Variants in DNAI7 observed in about 807,000 individuals in gnomAD.
DNAI7 encodes the protein dynein axonemal intermediate chain 7.
A neutral mutation model predicts 86.6 loss-of-function variants in DNAI7; 78 were observed. The ratio of observed to expected loss-of-function variants is 0.90; its 90% CI spans 0.75 to 1.09. The LOEUF is 1.09. DNAI7 is among the 50% of genes least tolerant of loss of function. The pLI is 0.00. For missense variants in DNAI7, 753 were observed against 810.2 expected (o/e 0.93, Z 0.86); for synonymous variants, 274 against 273.0 (o/e 1.00, Z -0.04).
chr12:25,167,128 C>T (rs917714762), intron 2 of DNAI7, among the ~76,000 whole-genome samples: 1 of 152,172 alleles, frequency 6.6e-6, no homozygotes, highest in African/African-American at 2.4e-5. Flanking sequence ...CTATTGATGG[C>T]AGTTTCACCA....
chr12:25,135,880 T>C (rs73069105), intron 9 of DNAI7, among the ~76,000 whole-genome samples: 17,543 of 151,398 alleles, frequency 0.12, 1,356 homozygotes, highest in Admixed American at 0.16. Context: ...AGCCCAGACA[T>C]GCCTATACCT....
chr12:25,152,581 C>G (rs1168229561), intron 6 of DNAI7, among the ~76,000 whole-genome samples: 1 of 152,116 alleles, frequency 6.6e-6, no homozygotes, highest in Non-Finnish European at 1.5e-5. Flanking sequence ...TATAATAAAC[C>G]AGTAAAGGCG....
intron 2 of DNAI7, among the ~76,000 whole-genome samples, chr12:25,172,256 A>C (rs1306430672): frequency 1.3e-5 from 2 of 152,194 alleles, no homozygotes; most frequent in Non-Finnish European, 2.9e-5. Flanking sequence ...TAGCAGTTTC[A>C]GGATACAAGA....
At chr12:25,176,724 T>C (rs1021845429) in intron 2 of DNAI7, among the ~76,000 whole-genome samples, 1 of 151,918 alleles carries the variant, frequency 6.6e-6, no homozygotes, top group African/African-American at 2.4e-5. Context: ...ACAGATAATC[T>C]CTGACTTTTG....
At chr12:25,178,161 G>T (rs1476443046) in intron 2 of DNAI7, among the ~76,000 whole-genome samples, 1 of 152,196 alleles carries the variant, frequency 6.6e-6, no homozygotes, top group East Asian at 1.9e-4. Context: ...TGCTCTAGAA[G>T]AATCTGTATT....
chr12:25,164,073 G>A (rs1388974060), intron 2 of DNAI7, among the ~76,000 whole-genome samples: 1 of 152,166 alleles, frequency 6.6e-6, no homozygotes, highest in Non-Finnish European at 1.5e-5. Flanking sequence ...TTCACCCTTA[G>A]CGGCAAGTAC....
At chr12:25,132,927 G>A (rs1943099663) in intron 9 of DNAI7, among the ~76,000 whole-genome samples, 1 of 140,570 alleles carries the variant, frequency 7.1e-6, no homozygotes, top group African/African-American at 3.2e-5. Flanking sequence ...ATTTTTCTTA[G>A]TCTGTTATTT....
At chr12:25,125,475 C>T (rs572754700) in intron 9 of DNAI7, among the ~76,000 whole-genome samples, 1 of 151,918 alleles carries the variant, frequency 6.6e-6, no homozygotes, top group Non-Finnish European at 1.5e-5. Flanking sequence ...TTGTTTCTCT[C>T]CTGTAAATTT....
chr12:25,190,581 ACAAC>A, intron 2 of DNAI7, 29 bp downstream of exon 2: 1 of 1,070,448 alleles, frequency 9.3e-7, no homozygotes, highest in Non-Finnish European at 1.4e-6. Context: ...AAGTGATTAT[ACAAC>A]TATCTATTTT....
chr12:25,166,856 T>C (rs946824058), intron 2 of DNAI7, among the ~76,000 whole-genome samples: 1 of 152,098 alleles, frequency 6.6e-6, no homozygotes, highest in African/African-American at 2.4e-5. Flanking sequence ...ATTCACTCTC[T>C]ACAGTTCTCA....
chr12:25,172,331 G>A (rs936889278), intron 2 of DNAI7, among the ~76,000 whole-genome samples: 3 of 152,056 alleles, frequency 2.0e-5, no homozygotes, highest in African/African-American at 4.8e-5. Context: ...ATCAAATCAA[G>A]AGCTCAACTC....
At chr12:25,141,068 G>T (rs556781250) in intron 9 of DNAI7, among the ~76,000 whole-genome samples, 1 of 152,190 alleles carries the variant, frequency 6.6e-6, no homozygotes, top group South Asian at 2.1e-4. Context: ...AACTCAAAAT[G>T]AATCAAAGAC....
chr12:25,137,928 G>A (rs1490581423), intron 9 of DNAI7, among the ~76,000 whole-genome samples: 5 of 151,542 alleles, frequency 3.3e-5, no homozygotes, highest in Admixed American at 3.3e-4. Flanking sequence ...GAGATAGATG[G>A]CAACACAATA....
At chr12:25,158,717 C>CG in intron 3 of DNAI7, 154 bp from the exon 4 acceptor site, 1 of 1,475,826 alleles carries the variant, frequency 6.8e-7, no homozygotes, top group Middle Eastern at 2.3e-4. Context: ...AGTGTCAGTT[C>CG]TCCTTTCTTC....
chr12:25,137,984 T>G (rs1466008893), intron 9 of DNAI7, among the ~76,000 whole-genome samples: 1 of 151,530 alleles, frequency 6.6e-6, no homozygotes, highest in Non-Finnish European at 1.5e-5. Context: ...ACTAGACAGG[T>G]CATCAAGACA....
In DNAI7 at chr12:25,158,523, C is replaced by A; in HGVS notation, c.147G>T (p.Arg49Ser). 6.2e-7 allele frequency: 1 copy of A among 1,613,062 alleles called. No homozygotes were observed. The highest frequency in any genetic ancestry group is 8.5e-7 in the Non-Finnish European group (1 of 1,179,720). Residue 49 changes from arginine to serine, a missense_variant, in exon 4 of 16, where the codon AGG becomes AGT. Coordinates refer to ENST00000395987, the MANE Select transcript of DNAI7 (RefSeq NM_018272.5). ...RLKYEKEEME[R>S]LEIQRIEKEK... is the part of the protein sequence containing the mutation. ...CTTTCTCAATTCGCTGTATTTCAAG[C>A]CTTTCCATTTCTTCTTTCTCATATT...
chr12:25,124,042 G>GTA (rs1941721873), intron 9 of DNAI7, among the ~76,000 whole-genome samples: 1 of 151,370 alleles, frequency 6.6e-6, no homozygotes, highest in Non-Finnish European at 1.5e-5. Context: ...TTGTGTGTGT[G>GTA]TGTGTGTGTG....
At position 25,121,786 on chromosome 12, in the gene DNAI7, C is replaced by T. The variant is rs777990687; in HGVS notation, c.1206G>A (p.Gln402=). The change falls in exon 11 of 16, where the codon CAG becomes CAA. Residue 402 remains glutamine, a synonymous_variant. Coordinates refer to ENST00000395987, the MANE Select transcript of DNAI7 (RefSeq NM_018272.5). ...TCATCCATCCCTTCACTGGTTTACA[C>T]TGTGGAGGAAGCTCCAAAATATCCA... ...YHLDILELPP[Q]CKPVKGWMIV... is the part of the protein sequence containing the mutation. The T allele has an allele frequency of 1.2e-6, 2 of 1,607,750 alleles. No homozygotes were observed. The highest frequency in any genetic ancestry group is 4.5e-5 in the East Asian group (2 of 44,706).
At chr12:25,182,639 A>ACACACAC (rs1555184991) in intron 2 of DNAI7, among the ~76,000 whole-genome samples, 4 of 36,912 alleles carry the variant, frequency 1.1e-4, no homozygotes, top group African/African-American at 2.6e-4. Flanking sequence ...CACACACACA[A>ACACACAC]GCCAGATGTG....
Sources: gnomAD v4.1 joint callset for allele counts (sites outside exome capture counted in the v4.1 genomes callset) on GRCh38, gnomAD v4.1.1 for gene constraint, MANE v1.5 for transcripts, NCBI Gene and HGNC (gene_info 2026-07-23, HGNC 2026-07-21) for gene names.